Variants in ABCD2 observed in about 807,000 individuals in gnomAD.
ABCD2 encodes the protein ATP binding cassette subfamily D member 2.
In ABCD2, 36 loss-of-function variants were observed where a neutral mutation model predicts 70.9. That is an observed-to-expected ratio of 0.51 (90% CI 0.39 to 0.67). The LOEUF (loss-of-function observed/expected upper bound fraction) is 0.67. Ranked by LOEUF, ABCD2 falls within the 30% of genes least tolerant of loss-of-function variation. ABCD2 has a pLI of 0.00. For missense variants in ABCD2, 729 were observed against 890.2 expected (o/e 0.82, Z 2.30); for synonymous variants, 304 against 306.9 (o/e 0.99, Z 0.10).
intron 9 of ABCD2, among the ~76,000 whole-genome samples, chr12:39,557,815 G>A (rs546392586): frequency 3.5e-4 from 53 of 152,332 alleles, no homozygotes; most frequent in African/African-American, 1.1e-3. Flanking sequence ...GGTTTGGAAA[G>A]CTCTGCCTAG....
downstream of ABCD2, chr12:39,550,030 A>G (rs1440696844): frequency 1.3e-5 from 2 of 151,824 alleles, no homozygotes; most frequent in African/African-American, 4.8e-5. Flanking sequence ...GGTCACAAGC[A>G]TCTTCGGACA....
chr12:39,567,988 T>G (rs11172642), intron 9 of ABCD2, among the ~76,000 whole-genome samples: 51,456 of 150,232 alleles, frequency 0.34, 10,701 homozygotes, highest in African/African-American at 0.59. Context: ...TTTCTGCTGA[T>G]AGATCAGCTG....
intron 5 of ABCD2, among the ~76,000 whole-genome samples, 159 bp from the exon 6 acceptor site, chr12:39,600,875 C>A: frequency 6.6e-6 from 1 of 152,088 alleles, no homozygotes; most frequent in East Asian, 1.9e-4. Context: ...ACAAGTTTGG[C>A]TTTTGACTAT....
In ABCD2 at chr12:39,569,043, G is replaced by A. The variant is rs539948056; in HGVS notation, c.2003+4673C>T. 2.0e-5 allele frequency among the ~76,000 whole-genome samples: 3 copies of A among 152,250 alleles called. No homozygotes were observed. In the South Asian group the frequency reaches 6.2e-4, roughly 32 times the overall value. Reference sequence around the variant, plus strand: ...GTGGTGTAAGTCTGCCCCTACTTGGGGGTGCATCCCAGTTAGGCTACTTGG... The same window carrying A: ...GTGGTGTAAGTCTGCCCCTACTTGGAGGTGCATCCCAGTTAGGCTACTTGG... On this transcript the variant is annotated intron_variant, in intron 9 of 9. Transcript: ENST00000308666.
chr12:39,593,991 G>C (rs560628738), intron 6 of ABCD2, among the ~76,000 whole-genome samples: 3 of 152,262 alleles, frequency 2.0e-5, no homozygotes, highest in South Asian at 2.1e-4. Context: ...ATATCTGAAT[G>C]ATGGCCAAGT....
intron 2 of ABCD2, among the ~76,000 whole-genome samples, chr12:39,614,100 C>T (rs1942083030): frequency 6.6e-6 from 1 of 152,164 alleles, no homozygotes; most frequent in Non-Finnish European, 1.5e-5. Flanking sequence ...ATGCTTGTAA[C>T]AACGCTGCTA....
intron 9 of ABCD2, among the ~76,000 whole-genome samples, chr12:39,561,794 T>C (rs1941263851): frequency 1.3e-5 from 2 of 151,922 alleles, no homozygotes; most frequent in South Asian, 4.1e-4. Flanking sequence ...AGACAGAAAA[T>C]CAAGAAAGAA....
intron 9 of ABCD2, among the ~76,000 whole-genome samples, chr12:39,568,007 A>T (rs1259017010): frequency 6.6e-6 from 1 of 151,774 alleles, no homozygotes; most frequent in East Asian, 1.9e-4. Context: ...TGTTAGTCTG[A>T]TGGGCTTCCC....
At chr12:39,602,985 A>G (rs1941921528) in intron 5 of ABCD2, among the ~76,000 whole-genome samples, 1 of 152,166 alleles carries the variant, frequency 6.6e-6, no homozygotes. Context: ...AGATCATCCT[A>G]TAGGTCTATA....
the ABCD2 span, among the ~76,000 whole-genome samples, chr12:39,541,917 TG>T: frequency 6.6e-6 from 1 of 152,180 alleles, no homozygotes; most frequent in African/African-American, 2.4e-5. Context: ...TGATCCTATC[TG>T]TATAAAGTTT....
At chr12:39,584,060 T>G (rs1219241735) in intron 7 of ABCD2, among the ~76,000 whole-genome samples, 1 of 152,212 alleles carries the variant, frequency 6.6e-6, no homozygotes, top group Non-Finnish European at 1.5e-5. Flanking sequence ...GATTGTTGGG[T>G]GAAATGGTAG....
chr12:39,567,724 T>C (rs939258028), intron 9 of ABCD2, among the ~76,000 whole-genome samples: 1 of 152,236 alleles, frequency 6.6e-6, no homozygotes, highest in African/African-American at 2.4e-5. Flanking sequence ...CTAGTCTGCA[T>C]GGTCTTTACA....
At chr12:39,595,274 C>T (rs535350442) in intron 6 of ABCD2, among the ~76,000 whole-genome samples, 4 of 152,120 alleles carry the variant, frequency 2.6e-5, no homozygotes, top group Admixed American at 6.5e-5. Flanking sequence ...TCTTATTAAT[C>T]TGAAAATGAG....
intron 5 of ABCD2, among the ~76,000 whole-genome samples, chr12:39,601,008 C>T (rs1321941608): frequency 6.6e-6 from 1 of 151,976 alleles, no homozygotes; most frequent in Non-Finnish European, 1.5e-5. Flanking sequence ...TAGAGAAAAA[C>T]AGCTGCCTGG....
intron 9 of ABCD2, among the ~76,000 whole-genome samples, chr12:39,567,108 T>G (rs1441192469): frequency 6.6e-6 from 1 of 152,238 alleles, no homozygotes; most frequent in African/African-American, 2.4e-5. Flanking sequence ...GTATATTGTG[T>G]TGATTTGGTG....
intron 6 of ABCD2, among the ~76,000 whole-genome samples, chr12:39,596,431 A>C (rs1941816009): frequency 6.6e-6 from 1 of 152,240 alleles, no homozygotes; most frequent in Non-Finnish European, 1.5e-5. Context: ...AATGAAAAAA[A>C]AATTGTTATC....
chr12:39,607,364 C>T (rs1941982546), intron 3 of ABCD2, among the ~76,000 whole-genome samples: 1 of 151,878 alleles, frequency 6.6e-6, no homozygotes, highest in African/African-American at 2.4e-5. Context: ...AATGTGAAAA[C>T]AAAGATATCA....
Position 39,570,906 on chromosome 12 carries a change from G to A in ABCD2, c.2003+2810C>T, listed in dbSNP as rs557719045. On this transcript the variant is annotated intron_variant, in intron 9 of 9. Transcript: ENST00000308666. ...TCAAACAACTAAATAGCAAGAAAAT[G>A]AATAACCTGATTACAAAATGGACAG... is the stretch of plus-strand genomic sequence containing the variant. Among the ~76,000 whole-genome samples, 17 of 152,144 alleles carry A rather than the reference G, an allele frequency of 1.1e-4. No individual in the cohort carries two copies. In the South Asian group the frequency reaches 3.5e-3, roughly 32 times the overall value.
At position 39,554,083 on chromosome 12, in the gene ABCD2, G is replaced by A. The variant is rs59009731; in HGVS notation, c.2052C>T (p.Arg684=). The A allele has an allele frequency of 1.0e-3, 1,663 of 1,613,578 alleles. 14 individuals are homozygous for A. In the African/African-American group the frequency reaches 0.019, roughly 18 times the overall value. Residue 684 remains arginine (R), a synonymous_variant, in exon 10 of 10, where the codon CGC becomes CGT. Coordinates refer to ENST00000308666, the MANE Select transcript of ABCD2 (RefSeq NM_005164.4). ...GGATAGCAGTATCCAATTGTTCAAA[G>A]CGCCAACCTCCTTCACCATCAAACT... The part of the protein sequence containing the change: ...LLQFDGEGGW[R]FEQLDTAIRL...
Sources: allele counts gnomAD v4.1 joint callset (sites outside exome capture counted in the v4.1 genomes callset), GRCh38; gene constraint gnomAD v4.1.1; transcripts MANE v1.5; gene names NCBI Gene and HGNC (gene_info 2026-07-23, HGNC 2026-07-21).